The following DLG2 variants were observed in gnomAD, a reference collection of about 807,000 sequenced individuals.
DLG2 encodes disks large homolog 2.
A neutral mutation model predicts 132.5 loss-of-function variants in DLG2; 45 were observed. The observed-to-expected ratio is 0.34, with a 90% CI of 0.27 to 0.44. The LOEUF is 0.44. Ranked by LOEUF, DLG2 falls within the 20% of genes least tolerant of loss-of-function variation. The pLI, the probability that DLG2 is intolerant of heterozygous loss-of-function variation, is 1.00. For synonymous variants in DLG2, 424 were observed against 419.6 expected, an observed-to-expected ratio of 1.01 and a Z score of -0.13; for missense variants, 1,045 against 1,196.9, an observed-to-expected ratio of 0.87 and a Z score of 1.87.
intron 7 of DLG2, among the ~76,000 whole-genome samples, chr11:84,300,281 C>T (rs1012117831): frequency 6.6e-6 from 1 of 152,100 alleles, no homozygotes; most frequent in African/African-American, 2.4e-5. Context: ...AGGCAGATAG[C>T]CTGTCTACTT....
At chr11:84,548,541 T>C (rs555012595) in intron 6 of DLG2, among the ~76,000 whole-genome samples, 35 of 152,144 alleles carry the variant, frequency 2.3e-4, no homozygotes, top group African/African-American at 8.4e-4. Flanking sequence ...GTTTGGTTTT[T>C]TGTCCTTGCG....
chr11:85,056,249 T>C (rs1246626860), intron 6 of DLG2, among the ~76,000 whole-genome samples: 1 of 152,108 alleles, frequency 6.6e-6, no homozygotes, highest in Non-Finnish European at 1.5e-5. Flanking sequence ...ATAGATGTTA[T>C]CCTTCACTAA....
At position 83,538,739 on chromosome 11, in the gene DLG2, G is replaced by A. The variant is rs114514256; in HGVS notation, c.2117+2943C>T. 7.2e-3 allele frequency among the ~76,000 whole-genome samples: 1,093 copies of A among 152,270 alleles called. 11 individuals carry two copies. The highest frequency in any genetic ancestry group is 0.025 in the African/African-American group (1,035 of 41,536). On this transcript the variant is annotated intron_variant, in intron 20 of 27. Coordinates refer to ENST00000376104, the MANE Select transcript of DLG2 (RefSeq NM_001142699.3). ...TGGAATTCACTCTCTGTCTGCTGCCGTTTCACTTTCCTGGCCTTTACAATA... is the reference window on the plus strand; with the variant it reads ...TGGAATTCACTCTCTGTCTGCTGCCATTTCACTTTCCTGGCCTTTACAATA...
At chr11:83,486,351 CAA>C (rs61265208) in intron 21 of DLG2, 182 of 452,524 alleles carry the variant, frequency 4.0e-4, no homozygotes, top group South Asian at 7.6e-4. Context: ...ACTTGTCATG[CAA>C]AAAAAAAAAA....
At chr11:85,058,079 G>GA (rs1055287795) in intron 6 of DLG2, among the ~76,000 whole-genome samples, 6 of 150,954 alleles carry the variant, frequency 4.0e-5, no homozygotes, top group Non-Finnish European at 8.9e-5. Context: ...AATAAGAAAA[G>GA]AAAAAAATTA....
Position 83,638,614 on chromosome 11 carries a change from C to T in DLG2, c.1826-5289G>A, listed in dbSNP as rs116525584. On this transcript the variant is annotated intron_variant, in intron 18 of 27. Transcript: ENST00000376104. ...GGAAACCTGTGTCTGCTCCTAGAGC[C>T]CCCTGTTACGGCCTCCCTCTACTTG... Among the ~76,000 whole-genome samples, 1,114 of 152,166 alleles carry T rather than the reference C, an allele frequency of 7.3e-3. 14 individuals are homozygous for T. The highest frequency in any genetic ancestry group is 0.026 in the African/African-American group (1,070 of 41,520).
intron 8 of DLG2, among the ~76,000 whole-genome samples, chr11:84,246,850 G>A (rs1188506440): frequency 2.0e-5 from 3 of 152,030 alleles, no homozygotes; most frequent in Non-Finnish European, 4.4e-5. Context: ...AACTGATAGA[G>A]AAGAAAAAAA....
At chr11:84,694,281 AC>A (rs1464498978) in intron 6 of DLG2, among the ~76,000 whole-genome samples, 1 of 151,636 alleles carries the variant, frequency 6.6e-6, no homozygotes, top group Non-Finnish European at 1.5e-5. Context: ...AGAACACAAA[AC>A]ACCATGGAAA....
At chr11:83,888,185 G>T (rs1281827953) in intron 15 of DLG2, among the ~76,000 whole-genome samples, 4 of 151,746 alleles carry the variant, frequency 2.6e-5, no homozygotes, top group Middle Eastern at 3.4e-3. Context: ...CGACATGATT[G>T]TATATCTAGA....
At position 85,552,665 on chromosome 11, in the gene DLG2, T is replaced by C. The variant is rs183744276; in HGVS notation, c.40+45992A>G. Among the ~76,000 whole-genome samples the C allele has an allele frequency of 6.0e-3, 908 of 151,686 alleles. 16 individuals carry two copies. The highest frequency in any genetic ancestry group is 0.02 in the African/African-American group (847 of 41,512). Reference sequence around the variant, plus strand: ...TTTAAATCTCAATGTATAGATTAATTAGCAAATTAGATATTGCTGAAGAAA... The same window carrying C: ...TTTAAATCTCAATGTATAGATTAATCAGCAAATTAGATATTGCTGAAGAAA... On this transcript the variant is annotated intron_variant, in intron 3 of 27. Transcript: ENST00000376104.
At chr11:84,339,527 G>T (rs1003928230) in intron 7 of DLG2, among the ~76,000 whole-genome samples, 2 of 151,896 alleles carry the variant, frequency 1.3e-5, no homozygotes, top group East Asian at 1.9e-4. Context: ...ATTTTAAGAC[G>T]GTGATCTCTC....
At chr11:83,965,552 T>C in intron 12 of DLG2, 84 bp from the exon 13 acceptor site, 2 of 1,125,004 alleles carry the variant, frequency 1.8e-6, no homozygotes. Context: ...CCTGGAATTA[T>C]AAATTGTGAT....
intron 6 of DLG2, among the ~76,000 whole-genome samples, chr11:85,028,931 G>T (rs2060780899): frequency 6.6e-6 from 1 of 152,154 alleles, no homozygotes; most frequent in Non-Finnish European, 1.5e-5. Flanking sequence ...CCCCGCTGCA[G>T]TTGGCGTCTT....
intron 6 of DLG2, among the ~76,000 whole-genome samples, chr11:84,722,960 C>A (rs909414928): frequency 1.3e-5 from 2 of 152,154 alleles, no homozygotes; most frequent in Admixed American, 6.5e-5. Flanking sequence ...AAACTCTGGT[C>A]TGAGGCCTTC....
chr11:85,427,756 G>A (rs923870117), intron 3 of DLG2, among the ~76,000 whole-genome samples: 3 of 152,154 alleles, frequency 2.0e-5, no homozygotes, highest in African/African-American at 7.2e-5. Context: ...ATAATGACAG[G>A]ATCAAATTCA....
intron 4 of DLG2, among the ~76,000 whole-genome samples, chr11:85,216,580 A>G (rs2082610656): frequency 6.6e-6 from 1 of 152,196 alleles, no homozygotes; most frequent in South Asian, 2.1e-4. Flanking sequence ...AGTTTTCATG[A>G]CATTAGCATG....
intron 2 of DLG2, among the ~76,000 whole-genome samples, chr11:85,608,728 G>A (rs532904514): frequency 6.6e-5 from 10 of 152,254 alleles, no homozygotes; most frequent in East Asian, 5.8e-4. Flanking sequence ...CCAGGTACAT[G>A]ACCCTTTCTC....
At chr11:84,564,661 A>C (rs1265794172) in intron 6 of DLG2, among the ~76,000 whole-genome samples, 1 of 152,208 alleles carries the variant, frequency 6.6e-6, no homozygotes, top group African/African-American at 2.4e-5. Context: ...AACTATGCTG[A>C]ATCATGGCTC....
chr11:84,862,820 G>GGA (rs1600141909), intron 6 of DLG2, among the ~76,000 whole-genome samples: 1 of 136,008 alleles, frequency 7.4e-6, no homozygotes, highest in East Asian at 2.5e-4. Flanking sequence ...GTCCTGTCGG[G>GGA]GGGGGGGGGT....
Sources: gnomAD v4.1 joint callset for allele counts (sites outside exome capture counted in the v4.1 genomes callset) on GRCh38, gnomAD v4.1.1 for gene constraint, MANE v1.5 for transcripts, NCBI Gene and HGNC (gene_info 2026-07-23, HGNC 2026-07-21) for gene names.